The following SPNS3 variants were observed in gnomAD, a reference collection of about 807,000 sequenced individuals.
The protein encoded by SPNS3 is SPNS lysolipid transporter 3, sphingosine-1-phosphate (putative).
In SPNS3, 51 loss-of-function variants were observed where a neutral mutation model predicts 54.4. The ratio of observed to expected loss-of-function variants is 0.94; its 90% CI spans 0.75 to 1.18. The LOEUF (loss-of-function observed/expected upper bound fraction) is 1.18. SPNS3 is among the 50% of genes most tolerant of loss of function. The pLI, the probability that SPNS3 is intolerant of heterozygous loss-of-function variation, is 0.00. For synonymous variants in SPNS3, 309 were observed against 294.7 expected (o/e 1.05, Z -0.50); for missense variants, 669 against 677.4 (o/e 0.99, Z 0.14).
chr17:4,452,580 C>T (rs1971194503), intron 7 of SPNS3, among the ~76,000 whole-genome samples: 1 of 151,968 alleles, frequency 6.6e-6, no homozygotes, highest in Admixed American at 6.6e-5. Context: ...TCAGTAAATA[C>T]ATGTTTGCTT....
rs763607381 is a variant in SPNS3, at chr17:4,446,062, C to T, written c.417C>T (p.Phe139=). The T allele has an allele frequency of 1.2e-6, 2 of 1,609,148 alleles. No homozygotes were observed. The highest frequency in any genetic ancestry group is 1.7e-6 in the Non-Finnish European group (2 of 1,176,618). Residue 139 remains phenylalanine (F), a synonymous_variant, in exon 4 of 12, where the codon TTC becomes TTT. Transcript: ENST00000355530. The part of the protein sequence containing the change: ...SFISPRYSWL[F]FLSRGIVGTG... ...TGCTCGCCCAGTATTCTTGGCTCTT[C>T]TTCCTGTCCCGGGGCATCGTGGGCA... is the stretch of plus-strand genomic sequence containing the variant.
chr17:4,483,289 A>G lies in SPNS3; in HGVS notation c.1180-2939A>G, dbSNP rs546034048. 6.6e-6 allele frequency among the ~76,000 whole-genome samples: 1 copy of G among 152,288 alleles called. No individual in the cohort carries two copies. Among genetic ancestry groups the G allele is most frequent in the East Asian group, 1.9e-4 (1 of 5,182 alleles). On this transcript the variant is annotated intron_variant, in intron 9 of 11. Transcript: ENST00000355530. This position sits in a 1 kb window ranked among gnomAD's most constrained non-coding sequence, Gnocchi z 4.2. The stretch of plus-strand genomic sequence containing the variant: ...CTTCTAAGAAGGGAGAGCCAGAAAC[A>G]GAGGTGTTTTTGTCTCAGAATAGAG...
At position 4,449,225 on chromosome 17, in the gene SPNS3, C is replaced by T. The variant is rs773662384; in HGVS notation, c.771-10C>T. 19 of 1,608,808 alleles carry T rather than the reference C, an allele frequency of 1.2e-5. No homozygotes were observed. The highest frequency in any genetic ancestry group is 4.5e-5 in the East Asian group (2 of 44,832). ...TCTCCCAACTCCAGCTGGGGCACCTCGTCTTGCAGCTGGAGTTTCGTGTGG... is the reference window on the plus strand; with the variant it reads ...TCTCCCAACTCCAGCTGGGGCACCTTGTCTTGCAGCTGGAGTTTCGTGTGG... On this transcript the variant is annotated splice_polypyrimidine_tract_variant and intron_variant, in intron 6 of 11. Coordinates refer to ENST00000355530, the MANE Select transcript of SPNS3 (RefSeq NM_182538.5).
intron 8 of SPNS3, among the ~76,000 whole-genome samples, chr17:4,472,525 T>C (rs751406006): frequency 3.0e-4 from 45 of 152,316 alleles, no homozygotes; most frequent in Non-Finnish European, 5.6e-4. Context: ...TCTACTTAAT[T>C]ACTGGATGCA....
intron 8 of SPNS3, among the ~76,000 whole-genome samples, chr17:4,466,252 A>G (rs1378645497): frequency 6.6e-6 from 1 of 152,212 alleles, no homozygotes; most frequent in South Asian, 2.1e-4. Flanking sequence ...TGGAAAATCA[A>G]CACCATAGGC....
At chr17:4,485,401 T>A (rs536976203) in intron 9 of SPNS3, among the ~76,000 whole-genome samples, 123 of 143,370 alleles carry the variant, frequency 8.6e-4, no homozygotes, top group African/African-American at 2.9e-3. Context: ...ATTTTTTTTA[T>A]TTTTTTTTTT....
intron 7 of SPNS3, among the ~76,000 whole-genome samples, 195 bp downstream of exon 7, chr17:4,449,582 T>C (rs1971104343): frequency 6.6e-6 from 1 of 151,998 alleles, no homozygotes; most frequent in Non-Finnish European, 1.5e-5. Context: ...CCACTCTGGG[T>C]GGCCATGGCC....
chr17:4,453,724 G>C, intron 8 of SPNS3, among the ~76,000 whole-genome samples: 1 of 152,206 alleles, frequency 6.6e-6, no homozygotes. Context: ...TGTCCTCTGA[G>C]CATTGGGTTA....
chr17:4,434,200 G>A (rs1970657044), intron 1 of SPNS3, 34 bp downstream of exon 1: 3 of 1,567,102 alleles, frequency 1.9e-6, no homozygotes, highest in East Asian at 2.3e-5. Context: ...GGCAGTACCT[G>A]CTGCTGTGCC....
In SPNS3 at chr17:4,433,963, C is replaced by T; in HGVS notation, c.-5C>T. ...CCAGTCTCAGGCCAAGAGCTGCAGG[C>T]TGGCATGGCTGGGGGGATGTCAGCG... On this transcript the variant is annotated 5_prime_UTR_variant, in exon 1 of 12. Transcript: ENST00000355530. The T allele has an allele frequency of 6.6e-7, 1 of 1,520,844 alleles. No individual in the cohort carries two copies. The highest frequency in any genetic ancestry group is 1.4e-5 in the African/African-American group (1 of 71,182). The allele number at this position is 1,520,844 out of a possible 1,614,324, so 94.2% of individuals were successfully genotyped here.
chr17:4,434,798 G>A (rs1490142484), intron 1 of SPNS3, among the ~76,000 whole-genome samples: 3 of 144,366 alleles, frequency 2.1e-5, no homozygotes, highest in South Asian at 2.2e-4. Flanking sequence ...ATGAGCCACC[G>A]TGCCCGGCCT....
At chr17:4,477,496 C>G (rs368798186) in intron 8 of SPNS3, among the ~76,000 whole-genome samples, 1 of 145,020 alleles carries the variant, frequency 6.9e-6, no homozygotes, top group Non-Finnish European at 1.5e-5. Flanking sequence ...CTCTTTTTTT[C>G]TCTCTTTCTT....
chr17:4,475,297 A>C (rs987603886), intron 8 of SPNS3, among the ~76,000 whole-genome samples: 1 of 152,160 alleles, frequency 6.6e-6, no homozygotes, highest in African/African-American at 2.4e-5. Context: ...ACAGGGGCAG[A>C]GTCAGATTTC....
At chr17:4,436,107 T>C (rs1428890293) in intron 1 of SPNS3, among the ~76,000 whole-genome samples, 1 of 152,098 alleles carries the variant, frequency 6.6e-6, no homozygotes, top group African/African-American at 2.4e-5. Context: ...AATGACCATC[T>C]CATGGGGCAG....
chr17:4,453,705 T>C (rs1183972392), intron 8 of SPNS3, among the ~76,000 whole-genome samples: 1 of 152,178 alleles, frequency 6.6e-6, no homozygotes, highest in African/African-American at 2.4e-5. Flanking sequence ...CTTTTCTGAC[T>C]GTAAAAGGTG....
chr17:4,455,587 G>A (rs1971288872), intron 8 of SPNS3, among the ~76,000 whole-genome samples: 1 of 152,226 alleles, frequency 6.6e-6, no homozygotes, highest in South Asian at 2.1e-4. Context: ...CCTGCAAGGG[G>A]CCCCCTCTCA....
chr17:4,461,310 A>C (rs992589738), intron 8 of SPNS3, among the ~76,000 whole-genome samples: 6 of 139,912 alleles, frequency 4.3e-5, no homozygotes, highest in African/African-American at 1.3e-4. Flanking sequence ...TTTTGGTTTC[A>C]TCAATTTTTC....
intron 8 of SPNS3, among the ~76,000 whole-genome samples, chr17:4,478,105 G>A (rs981853384): frequency 2.6e-5 from 4 of 151,054 alleles, no homozygotes; most frequent in East Asian, 3.9e-4. Context: ...CTGAGTAGCT[G>A]GAACTACAGG....
chr17:4,464,388 T>G (rs1178636648), intron 8 of SPNS3, among the ~76,000 whole-genome samples: 1 of 152,226 alleles, frequency 6.6e-6, no homozygotes, highest in Non-Finnish European at 1.5e-5. Flanking sequence ...GGGCCTCCAC[T>G]GTCACTGACC....
Sources: gnomAD v4.1 joint callset for allele counts (sites outside exome capture counted in the v4.1 genomes callset) on GRCh38, gnomAD v4.1.1 for gene constraint, Gnocchi (gnomAD v3.1) non-coding constraint, MANE v1.5 for transcripts, NCBI Gene and HGNC (gene_info 2026-07-23, HGNC 2026-07-21) for gene names.